The following TMEM164 variants were observed in gnomAD, a reference collection of about 807,000 sequenced individuals.
TMEM164 encodes RP13-360B22.2.
TMEM164 carries 4 observed loss-of-function variants against 18.8 expected under a neutral mutation model. That is an observed-to-expected ratio of 0.21 (90% CI 0.10 to 0.49). The LOEUF is 0.49. Among genes scored for constraint, TMEM164 ranks in the 20% least tolerant of loss-of-function variants. TMEM164 has a pLI of 0.98. For missense variants in TMEM164, 108 were observed against 239.9 expected (o/e 0.45, Z 3.63); for synonymous variants, 86 against 101.7 (o/e 0.85, Z 0.93).
chrX:110,105,498 G>A (rs1023929143), intron 3 of TMEM164, among the ~76,000 whole-genome samples: 11 of 109,277 alleles, frequency 1.0e-4, no homozygotes, highest in African/African-American at 3.3e-4. Flanking sequence ...CTGCTTCTGA[G>A]TTGGTCAGTC....
chrX:110,031,398 C>T (rs761410101), intron 2 of TMEM164, among the ~76,000 whole-genome samples: 3 of 111,923 alleles, frequency 2.7e-5, no homozygotes, highest in East Asian at 5.6e-4. Flanking sequence ...GGGCTCACTG[C>T]AGCCTCAAAC....
intron 2 of TMEM164, among the ~76,000 whole-genome samples, chrX:110,004,918 C>G (rs1392455213): frequency 3.6e-5 from 4 of 112,289 alleles, no homozygotes; most frequent in African/African-American, 1.3e-4. Flanking sequence ...CGACTTCCAC[C>G]CATTAGCGGT....
intron 5 of TMEM164, among the ~76,000 whole-genome samples, chrX:110,150,219 A>C (rs1249497058): frequency 8.9e-6 from 1 of 112,186 alleles, no homozygotes; most frequent in Non-Finnish European, 1.9e-5. Flanking sequence ...CCAAAGGGTG[A>C]GTTGGAGCTT....
At chrX:110,149,694 G>A (rs2066913326) in intron 5 of TMEM164, among the ~76,000 whole-genome samples, 2 of 111,992 alleles carry the variant, frequency 1.8e-5, no homozygotes, top group Admixed American at 1.9e-4. Context: ...CTACATCACT[G>A]TCTACAGCTC....
intron 2 of TMEM164, among the ~76,000 whole-genome samples, chrX:110,044,747 G>A (rs1935249622): frequency 9.2e-6 from 1 of 108,135 alleles, no homozygotes; most frequent in Admixed American, 1.0e-4. Context: ...TGACATGCCT[G>A]GCCTGATATG....
At chrX:110,084,415 A>ATATATATATAGTATAGTATATATATATAG (rs2065815780) in intron 3 of TMEM164, among the ~76,000 whole-genome samples, 1 of 93,959 alleles carries the variant, frequency 1.1e-5, no homozygotes, top group Non-Finnish European at 2.1e-5. Context: ...TATATAGTGT[A>ATATATATATAGTATAGTATATATATATAG]TATATATATA....
At chrX:110,081,503 GTT>G (rs1005882988) in intron 3 of TMEM164, among the ~76,000 whole-genome samples, 3 of 112,026 alleles carry the variant, frequency 2.7e-5, no homozygotes, top group South Asian at 3.7e-4. Context: ...GGCTCAGAAA[GTT>G]TACATGACTG....
At chrX:110,074,512 C>G (rs2065643650) in intron 3 of TMEM164, among the ~76,000 whole-genome samples, 1 of 111,560 alleles carries the variant, frequency 9.0e-6, no homozygotes, top group South Asian at 3.7e-4. Flanking sequence ...CTTTTGAGGA[C>G]TTAGCTATAA....
chrX:110,129,691 CTT>C (rs1001343020), intron 4 of TMEM164, among the ~76,000 whole-genome samples: 4 of 112,648 alleles, frequency 3.6e-5, no homozygotes, highest in African/African-American at 1.3e-4. Context: ...TTTTCCAACA[CTT>C]TTATGGCTGT....
At position 110,146,308 on chromosome X, in the gene TMEM164, C is replaced by T. The variant is rs544627580; in HGVS notation, c.586+1432C>T. ...AAACATATTTGTACTCTAAGGTCAC[C>T]ATAAAAATCTGTCAGGTAGCTGGGT... On this transcript the variant is annotated intron_variant, in intron 5 of 6. Coordinates refer to ENST00000372068, the MANE Select transcript of TMEM164 (RefSeq NM_032227.4). 2.9e-4 allele frequency among the ~76,000 whole-genome samples: 32 copies of T among 112,189 alleles called. No homozygotes were observed. In the Middle Eastern group the frequency reaches 0.023, roughly 81 times the overall value.
rs191667131 is a variant in TMEM164, at chrX:110,041,259, A to G, written c.391-26088A>G. The stretch of plus-strand genomic sequence containing the variant: ...GGTAAGTGCTATAGGTTTTTCCCCC[A>G]CAACCAGTAGATTACAGTGAAAGGA... On this transcript the variant is annotated intron_variant, in intron 2 of 6. Transcript: ENST00000372068. Among the ~76,000 whole-genome samples the G allele has an allele frequency of 7.3e-3, 818 of 111,889 alleles. 6 individuals are homozygous for G. Among genetic ancestry groups the G allele is most frequent in the African/African-American group, 0.025 (783 of 30,738 alleles).
chrX:110,178,234 C>G (rs868432181), downstream of TMEM164, among the ~76,000 whole-genome samples: 5 of 112,489 alleles, frequency 4.4e-5, no homozygotes, highest in African/African-American at 1.6e-4. Context: ...ACCTGCTTTT[C>G]CAAGGCTACC....
chrX:110,112,505 G>T (rs1380481908), intron 4 of TMEM164, among the ~76,000 whole-genome samples: 1 of 111,531 alleles, frequency 9.0e-6, no homozygotes, highest in Non-Finnish European at 1.9e-5. Flanking sequence ...AGGCAACAGA[G>T]TGAGACTCCA....
chrX:110,122,245 A>C (rs1454084420), intron 4 of TMEM164, among the ~76,000 whole-genome samples: 3 of 109,093 alleles, frequency 2.7e-5, no homozygotes, highest in African/African-American at 6.7e-5. Context: ...CTATGCAGCC[A>C]TAAAAAATGA....
chrX:110,130,106 G>A (rs1001400109), intron 4 of TMEM164, among the ~76,000 whole-genome samples: 1 of 112,200 alleles, frequency 8.9e-6, no homozygotes, highest in African/African-American at 3.2e-5. Context: ...AGATTCCAAT[G>A]CTGATCAGTT....
intron 4 of TMEM164, among the ~76,000 whole-genome samples, chrX:110,131,271 C>T (rs1206343228): frequency 8.9e-6 from 1 of 111,811 alleles, no homozygotes; most frequent in African/African-American, 3.3e-5. Flanking sequence ...TTTGACTGGC[C>T]TGAAAGCCAA....
At chrX:110,021,863 G>C (rs1933889476) in intron 2 of TMEM164, among the ~76,000 whole-genome samples, 1 of 111,926 alleles carries the variant, frequency 8.9e-6, no homozygotes, top group Non-Finnish European at 1.9e-5. Context: ...AGAATAGTCT[G>C]GTGAGTGACT....
At chrX:110,067,183 T>C (rs62597749) in intron 2 of TMEM164, among the ~76,000 whole-genome samples, 164 bp from the exon 3 acceptor site, 1 of 100,927 alleles carries the variant, frequency 9.9e-6, no homozygotes, top group African/African-American at 3.8e-5. Flanking sequence ...CACACACGCA[T>C]GCATGCATGC....
chrX:110,095,085 G>A (rs993312447), intron 3 of TMEM164, among the ~76,000 whole-genome samples: 3 of 112,023 alleles, frequency 2.7e-5, no homozygotes, highest in African/African-American at 6.5e-5. Context: ...TGGGTAACCC[G>A]ACCTTTCTCT....
Sources: gnomAD v4.1 joint callset for allele counts (sites outside exome capture counted in the v4.1 genomes callset) on GRCh38, gnomAD v4.1.1 for gene constraint, MANE v1.5 for transcripts, NCBI Gene and HGNC (gene_info 2026-07-23, HGNC 2026-07-21) for gene names.